Variants in RBMS3 observed in about 807,000 individuals in gnomAD.
The protein encoded by RBMS3 is RNA binding motif single stranded interacting protein 3.
In RBMS3, 27 loss-of-function variants were observed where a neutral mutation model predicts 66.8. The ratio of observed to expected loss-of-function variants is 0.40; its 90% CI spans 0.30 to 0.56. The LOEUF (loss-of-function observed/expected upper bound fraction) is 0.56, where lower values mean the gene tolerates loss of function less well. RBMS3 is among the 20% of genes least tolerant of loss of function. The pLI is 0.40. For missense variants in RBMS3, 513 were observed against 549.5 expected, an observed-to-expected ratio of 0.93 and a Z score of 0.66; for synonymous variants, 188 against 183.0, an observed-to-expected ratio of 1.03 and a Z score of -0.22.
Position 29,627,427 on chromosome 3 carries a change from A to G in RBMS3, c.399+40222A>G, listed in dbSNP as rs145871644. On this transcript the variant is annotated intron_variant, in intron 4 of 14. Transcript: ENST00000383767. ...TCTTTTGCATTGTAGGATATTTAGC[A>G]TAACAATCCTTGGCCTCTACCTAAT... Among the ~76,000 whole-genome samples, 7 of 152,220 alleles carry G rather than the reference A, an allele frequency of 4.6e-5. No homozygotes were observed. The East Asian group carries it at 1.4e-3, about 29-fold the overall frequency.
chr3:29,538,497 A>G (rs937326744), intron 3 of RBMS3, among the ~76,000 whole-genome samples: 2 of 152,238 alleles, frequency 1.3e-5, no homozygotes, highest in African/African-American at 2.4e-5. Flanking sequence ...GAAGTCCCTT[A>G]GCAGATGCCA....
In RBMS3 at chr3:29,860,290, AT is replaced by A. The variant is rs1281896256; in HGVS notation, c.638-8564del. Among the ~76,000 whole-genome samples the A allele has an allele frequency of 2.6e-5, 4 of 152,236 alleles. No individual in the cohort carries two copies. The East Asian group carries it at 7.7e-4, about 29-fold the overall frequency. ...AGATGGCCCCAGACGTTCTTAAAGC[AT>A]TTTGACTAAATCTTAGCATTGCATC... On this transcript the variant is annotated intron_variant, in intron 6 of 14. Transcript: ENST00000383767.
intron 3 of RBMS3, among the ~76,000 whole-genome samples, chr3:29,564,076 A>T (rs1010095263): frequency 2.0e-5 from 3 of 152,292 alleles, no homozygotes; most frequent in Admixed American, 2.0e-4. Flanking sequence ...AAAGAAGGAA[A>T]GAAAATGTTT....
rs549992889 is a variant in RBMS3 at position 29,679,476 on chromosome 3, A to G, written c.400-60244A>G. Among the ~76,000 whole-genome samples, 5 of 152,272 alleles carry G rather than the reference A, an allele frequency of 3.3e-5. No individual in the cohort carries two copies. In the East Asian group the frequency reaches 9.7e-4, roughly 29 times the overall value. ...TAAATGGAAACGACCTGGAGATGTAATTGCCAAAATTTAATCAAGCATTTA... is the reference window on the plus strand; with the variant it reads ...TAAATGGAAACGACCTGGAGATGTAGTTGCCAAAATTTAATCAAGCATTTA... On this transcript the variant is annotated intron_variant, in intron 4 of 14. Coordinates refer to ENST00000383767, the MANE Select transcript of RBMS3 (RefSeq NM_001003793.3).
chr3:29,706,621 TCAGGGAGA>T (rs1181848525), intron 4 of RBMS3, among the ~76,000 whole-genome samples: 1 of 152,184 alleles, frequency 6.6e-6, no homozygotes, highest in African/African-American at 2.4e-5. Context: ...AAGAAACTCT[TCAGGGAGA>T]ACAACGAATG....
intron 1 of RBMS3, among the ~76,000 whole-genome samples, chr3:29,297,652 A>G (rs2033369890): frequency 6.6e-6 from 1 of 151,904 alleles, no homozygotes; most frequent in African/African-American, 2.4e-5. Context: ...CTCACCATAT[A>G]GTCTGAGATG....
intron 12 of RBMS3, among the ~76,000 whole-genome samples, chr3:29,978,875 C>T (rs1182523134): frequency 6.6e-6 from 1 of 152,020 alleles, no homozygotes; most frequent in African/African-American, 2.4e-5. Context: ...GGGCTCACAC[C>T]TGTAATCTCA....
intron 4 of RBMS3, among the ~76,000 whole-genome samples, chr3:29,623,878 C>G (rs1042284982): frequency 6.6e-6 from 1 of 152,014 alleles, no homozygotes; most frequent in Non-Finnish European, 1.5e-5. Flanking sequence ...CTCAAACTTC[C>G]CAGTGGAAGC....
intron 2 of RBMS3, among the ~76,000 whole-genome samples, chr3:29,487,636 T>C (rs941454582): frequency 3.0e-4 from 46 of 152,252 alleles, no homozygotes; most frequent in African/African-American, 1.1e-3. Context: ...TTAATAATAC[T>C]TACTCTGTGT....
chr3:29,923,896 TAA>T (rs1255313367), intron 10 of RBMS3, among the ~76,000 whole-genome samples: 5 of 152,112 alleles, frequency 3.3e-5, no homozygotes, highest in Admixed American at 2.6e-4. Flanking sequence ...TGAGGAAAAA[TAA>T]AGACATCTTA....
At chr3:29,645,966 A>G (rs1451870326) in intron 4 of RBMS3, among the ~76,000 whole-genome samples, 1 of 152,198 alleles carries the variant, frequency 6.6e-6, no homozygotes, top group Non-Finnish European at 1.5e-5. Flanking sequence ...AAAGCCCTAC[A>G]TTACCTCTAA....
chr3:29,771,929 C>T (rs1039436969), intron 6 of RBMS3, among the ~76,000 whole-genome samples: 1 of 151,934 alleles, frequency 6.6e-6, no homozygotes, highest in African/African-American at 2.4e-5. Flanking sequence ...CCCACTAGGC[C>T]CCTCCTCCAA....
intron 7 of RBMS3, among the ~76,000 whole-genome samples, chr3:29,882,851 C>T (rs914672989): frequency 1.3e-5 from 2 of 152,006 alleles, no homozygotes; most frequent in African/African-American, 4.8e-5. Flanking sequence ...TTATCCTTTA[C>T]AAAACTCTTC....
chr3:29,965,626 CG>C (rs1051321925), intron 12 of RBMS3, among the ~76,000 whole-genome samples: 23 of 152,002 alleles, frequency 1.5e-4, no homozygotes, highest in African/African-American at 5.1e-4. Context: ...TTCTGGATAT[CG>C]GTCCTTTGTC....
chr3:29,663,724 T>G (rs2050644335), intron 4 of RBMS3, among the ~76,000 whole-genome samples: 2 of 151,984 alleles, frequency 1.3e-5, no homozygotes, highest in Admixed American at 1.3e-4. Context: ...CGCAATCTAC[T>G]ATGATCAGAC....
At chr3:29,767,479 T>C (rs1159195054) in intron 6 of RBMS3, 2 of 151,980 alleles carry the variant, frequency 1.3e-5, no homozygotes, top group Admixed American at 1.3e-4. Context: ...TATGGGATCT[T>C]TAAAAATTTA....
At chr3:29,723,793 G>T (rs2053744506) in intron 4 of RBMS3, among the ~76,000 whole-genome samples, 1 of 152,090 alleles carries the variant, frequency 6.6e-6, no homozygotes, top group Non-Finnish European at 1.5e-5. Context: ...TGACTCTAAA[G>T]ATGAGAAAAA....
chr3:29,332,901 T>A (rs113549491), intron 1 of RBMS3, among the ~76,000 whole-genome samples: 1 of 152,178 alleles, frequency 6.6e-6, no homozygotes, highest in South Asian at 2.1e-4. Flanking sequence ...ATTCAAAGTA[T>A]AATTAAATAA....
intron 1 of RBMS3, among the ~76,000 whole-genome samples, chr3:29,375,111 A>G (rs62235718): frequency 0.2 from 30,253 of 152,190 alleles, 3,465 homozygotes; most frequent in Non-Finnish European, 0.25. Flanking sequence ...GCAATAGGGA[A>G]AGGATTTCTT....
Sources: gnomAD v4.1 joint callset for allele counts (sites outside exome capture counted in the v4.1 genomes callset) on GRCh38, gnomAD v4.1.1 for gene constraint, MANE v1.5 for transcripts, NCBI Gene and HGNC (gene_info 2026-07-23, HGNC 2026-07-21) for gene names.